The following EML6 variants were observed in gnomAD, a reference collection of about 807,000 sequenced individuals.
EML6 encodes the protein EMAP like 6, also known as echinoderm microtubule-associated protein-like 6.
In EML6, 154 loss-of-function variants were observed where a neutral mutation model predicts 240.1. The observed-to-expected ratio is 0.64, with a 90% confidence interval of 0.56 to 0.73. The LOEUF (loss-of-function observed/expected upper bound fraction) is 0.73, where lower values mean the gene tolerates loss of function less well. Among genes scored for constraint, EML6 ranks in the 30% least tolerant of loss-of-function variants. The pLI, the probability that EML6 is intolerant of heterozygous loss-of-function variation, is 0.00. For synonymous variants in EML6, 1,148 were observed against 899.0 expected, an observed-to-expected ratio of 1.28 and a Z score of -4.95; for missense variants, 2,964 against 2,474.6, an observed-to-expected ratio of 1.20 and a Z score of -4.20.
In EML6 at chr2:54,766,001, T is replaced by G. The variant is rs114389597; in HGVS notation, c.197+40743T>G. Among the ~76,000 whole-genome samples, 559 of 152,280 alleles carry G rather than the reference T, an allele frequency of 3.7e-3. 1 individual carries two copies. The highest frequency in any genetic ancestry group is 0.01 in the Middle Eastern group (3 of 294). On this transcript the variant is annotated intron_variant, in intron 2 of 41. Coordinates refer to ENST00000356458, the MANE Select transcript of EML6 (RefSeq NM_001039753.4). ...ATTTGCTTTAATATTCTCTCTCTTA[T>G]TCTCTCTCCCTTCTTTCCACCTCCT...
At chr2:54,967,153 T>G in intron 39 of EML6, 50 bp downstream of exon 39, 191 of 1,209,726 alleles carry the variant, frequency 1.6e-4, no homozygotes, top group Non-Finnish European at 2.0e-4. Context: ...AGGGAGTCTC[T>G]TGTCTCACTC....
intron 2 of EML6, among the ~76,000 whole-genome samples, chr2:54,778,372 G>A (rs1668689576): frequency 6.6e-6 from 1 of 152,036 alleles, no homozygotes; most frequent in South Asian, 2.1e-4. Flanking sequence ...AGAGGAGAGA[G>A]AAAAAAGAGT....
intron 10 of EML6, 142 bp downstream of exon 10, chr2:54,850,360 G>A: frequency 3.0e-6 from 2 of 662,876 alleles, no homozygotes; most frequent in East Asian, 2.7e-5. Context: ...CCCACCTCAG[G>A]GCAAGGAATG....
chr2:54,952,525 A>T, intron 30 of EML6, 69 bp from the exon 31 acceptor site: 1 of 907,842 alleles, frequency 1.1e-6, no homozygotes, highest in Non-Finnish European at 1.7e-6. Flanking sequence ...GCTCCACGCG[A>T]TGTTTTGAAG....
At chr2:54,875,582 T>C (rs1671464268) in intron 16 of EML6, among the ~76,000 whole-genome samples, 1 of 152,148 alleles carries the variant, frequency 6.6e-6, no homozygotes, top group Non-Finnish European at 1.5e-5. Flanking sequence ...ATAAGCACAG[T>C]TATGTGTGAG....
intron 4 of EML6, among the ~76,000 whole-genome samples, chr2:54,819,624 A>G (rs1668234992): frequency 6.6e-6 from 1 of 152,012 alleles, no homozygotes; most frequent in African/African-American, 2.4e-5. Flanking sequence ...AAAAATAGAA[A>G]AATTAACTGG....
At chr2:54,877,543 A>G (rs542301800) in intron 16 of EML6, among the ~76,000 whole-genome samples, 1 of 152,344 alleles carries the variant, frequency 6.6e-6, no homozygotes, top group Admixed American at 6.5e-5. Context: ...CAACATAGAA[A>G]CAACCAGACC....
chr2:54,929,739 A>G (rs992847166), intron 28 of EML6, among the ~76,000 whole-genome samples: 3 of 152,020 alleles, frequency 2.0e-5, no homozygotes, highest in Non-Finnish European at 4.4e-5. Flanking sequence ...GCTTAAATTC[A>G]GTGCCAGATG....
At chr2:54,961,660 A>G (rs955849868) in intron 35 of EML6, among the ~76,000 whole-genome samples, 1 of 151,988 alleles carries the variant, frequency 6.6e-6, no homozygotes, top group African/African-American at 2.4e-5. Flanking sequence ...AGAAAGGGCA[A>G]AGTAAGAGGG....
intron 5 of EML6, among the ~76,000 whole-genome samples, chr2:54,823,617 A>G (rs376830644): frequency 1.3e-4 from 19 of 151,996 alleles, no homozygotes; most frequent in Admixed American, 9.2e-4. Context: ...AGCCATGAGT[A>G]AAAAAAACAT....
At chr2:54,929,919 G>A (rs1471161244) in intron 28 of EML6, among the ~76,000 whole-genome samples, 1 of 152,000 alleles carries the variant, frequency 6.6e-6, no homozygotes, top group Non-Finnish European at 1.5e-5. Context: ...AGTTCATTTT[G>A]CTTGCAACAT....
intron 6 of EML6, among the ~76,000 whole-genome samples, chr2:54,828,065 T>G (rs555846999): frequency 2.4e-4 from 36 of 152,348 alleles, no homozygotes; most frequent in Admixed American, 8.5e-4. Flanking sequence ...CCCATGAGTT[T>G]CTGGGGAATC....
At chr2:54,885,726 C>G (rs1672092674) in intron 17 of EML6, among the ~76,000 whole-genome samples, 1 of 152,092 alleles carries the variant, frequency 6.6e-6, no homozygotes, top group Non-Finnish European at 1.5e-5. Flanking sequence ...ATTCTCTTGC[C>G]TCAGCCTCCT....
In EML6 at chr2:54,749,334, A is replaced by G. The variant is rs528684155; in HGVS notation, c.197+24076A>G. ...AAGACTCACAGAAATAGTCTATTAA[A>G]ATAATAAACATTATATTCAAATATA... On this transcript the variant is annotated intron_variant, in intron 2 of 41. Coordinates refer to ENST00000356458, the MANE Select transcript of EML6 (RefSeq NM_001039753.4). Among the ~76,000 whole-genome samples, 8 of 152,304 alleles carry G rather than the reference A, an allele frequency of 5.3e-5. 1 individual carries two copies. The highest frequency in any genetic ancestry group is 1.9e-4 in the African/African-American group (8 of 41,578).
At position 54,954,070 on chromosome 2, in the gene EML6, A is replaced by C; in HGVS notation, c.4400A>C (p.Tyr1467Ser). ...LRCFHSKGVN[Y>S]INFSATGKLL... ...TGCTTCCACTCCAAGGGGGTGAATT[A>C]CATCAACTTCAGTGCAACTGGAAAG... Residue 1467 changes from tyrosine to serine, a missense_variant, in exon 32 of 42, where the codon TAC becomes TCC. By Grantham distance (144) the Tyr-to-Ser change is moderately radical. Transcript: ENST00000356458. 1 of 1,551,618 alleles carries C rather than the reference A, an allele frequency of 6.4e-7. No homozygotes were observed. Among genetic ancestry groups the C allele is most frequent in the Non-Finnish European group, 8.7e-7 (1 of 1,146,934 alleles).
intron 13 of EML6, among the ~76,000 whole-genome samples, chr2:54,865,879 G>A (rs906376042): frequency 1.3e-5 from 2 of 152,192 alleles, no homozygotes; most frequent in Non-Finnish European, 2.9e-5. Flanking sequence ...GAAGCCCACA[G>A]AGGTTATGAG....
intron 24 of EML6, among the ~76,000 whole-genome samples, chr2:54,909,437 T>C (rs1558676023): frequency 6.6e-6 from 1 of 152,160 alleles, no homozygotes; most frequent in Non-Finnish European, 1.5e-5. Flanking sequence ...CAAGGAAAAA[T>C]CCCCTAATCA....
chr2:54,933,684 A>G (rs1044459220), intron 28 of EML6, among the ~76,000 whole-genome samples: 4 of 152,254 alleles, frequency 2.6e-5, no homozygotes, highest in Admixed American at 6.5e-5. Context: ...GCAAGCCAAG[A>G]TGGCACTGCT....
intron 14 of EML6, chr2:54,868,195 C>T (rs1671072246): frequency 6.6e-6 from 1 of 151,842 alleles, no homozygotes; most frequent in Non-Finnish European, 1.5e-5. Context: ...AATATGGCAA[C>T]AAATTTTTAA....
Sources: gnomAD v4.1 joint callset for allele counts (sites outside exome capture counted in the v4.1 genomes callset) on GRCh38, gnomAD v4.1.1 for gene constraint, MANE v1.5 for transcripts, NCBI Gene and HGNC (gene_info 2026-07-23, HGNC 2026-07-21) for gene names.